Variants in NAALADL2 observed in about 807,000 individuals in gnomAD.
The protein encoded by NAALADL2 is inactive N-acetylated-alpha-linked acidic dipeptidase-like protein 2.
NAALADL2 carries 76 observed loss-of-function variants against 87.2 expected under a neutral mutation model. The ratio of observed to expected loss-of-function variants is 0.87; its 90% CI spans 0.72 to 1.05. NAALADL2 has a LOEUF of 1.05. Among genes scored for constraint, NAALADL2 ranks in the 50% least tolerant of loss-of-function variants. The pLI is 0.00. For synonymous variants in NAALADL2, 354 were observed against 331.0 expected (o/e 1.07, Z -0.75); for missense variants, 1,089 against 945.8 (o/e 1.15, Z -1.99).
chr3:174,869,245 A>G (rs1727503342), intron 1 of NAALADL2, among the ~76,000 whole-genome samples: 2 of 152,226 alleles, frequency 1.3e-5, no homozygotes, highest in African/African-American at 4.8e-5. Context: ...AGCTTAAAAC[A>G]GTAGAAATTC....
intron 9 of NAALADL2, among the ~76,000 whole-genome samples, chr3:175,472,338 T>G (rs901395342): frequency 3.3e-5 from 5 of 152,214 alleles, no homozygotes; most frequent in African/African-American, 1.2e-4. Flanking sequence ...TTTTGTCACT[T>G]CTCGCCTAAT....
chr3:175,092,744 ATTT>A (rs1720375715), intron 1 of NAALADL2, among the ~76,000 whole-genome samples: 1 of 151,780 alleles, frequency 6.6e-6, no homozygotes, highest in Non-Finnish European at 1.5e-5. Flanking sequence ...TATCTGTTTT[ATTT>A]TTATAATAGA....
intron 4 of NAALADL2, among the ~76,000 whole-genome samples, chr3:175,278,659 A>C (rs981072972): frequency 2.8e-4 from 42 of 152,128 alleles, no homozygotes; most frequent in African/African-American, 9.2e-4. Flanking sequence ...TGGCATACTT[A>C]TGTGATATGA....
chr3:175,378,510 CCTTGTT>C (rs1560460447), intron 5 of NAALADL2, among the ~76,000 whole-genome samples: 1 of 152,156 alleles, frequency 6.6e-6, no homozygotes, highest in African/African-American at 2.4e-5. Flanking sequence ...GTTCACTTGG[CCTTGTT>C]GAGTCTCACT....
chr3:174,649,061 A>G (rs1427721951), intron 2 of NAALADL2, among the ~76,000 whole-genome samples: 1 of 151,956 alleles, frequency 6.6e-6, no homozygotes, highest in East Asian at 1.9e-4. Context: ...CCCAGGTTCA[A>G]GTGATGATTT....
At chr3:174,737,906 T>G (rs1733369421) in intron 3 of NAALADL2, among the ~76,000 whole-genome samples, 1 of 152,224 alleles carries the variant, frequency 6.6e-6, no homozygotes, top group African/African-American at 2.4e-5. Context: ...GTATTCCAAT[T>G]TTTATTTATC....
chr3:175,632,636 G>C (rs1162490279), intron 11 of NAALADL2, among the ~76,000 whole-genome samples: 3 of 152,000 alleles, frequency 2.0e-5, no homozygotes, highest in Non-Finnish European at 4.4e-5. Context: ...AAGAGTCAAA[G>C]ATAATTTTAA....
chr3:175,429,446 T>G (rs1717380441), intron 5 of NAALADL2, among the ~76,000 whole-genome samples: 2 of 151,910 alleles, frequency 1.3e-5, no homozygotes, highest in African/African-American at 2.4e-5. Flanking sequence ...TTCAAGGCCT[T>G]TACATATGTA....
chr3:174,925,559 T>G (rs1247516213), intron 1 of NAALADL2, among the ~76,000 whole-genome samples: 2 of 152,208 alleles, frequency 1.3e-5, no homozygotes, highest in African/African-American at 4.8e-5. Context: ...TGCGGGCTCT[T>G]TTTTGGTTCC....
intron 2 of NAALADL2, among the ~76,000 whole-genome samples, chr3:175,179,257 C>A: frequency 6.6e-6 from 1 of 151,832 alleles, no homozygotes; most frequent in South Asian, 2.1e-4. Context: ...TTTGTAATTC[C>A]AACAGCTAAC....
intron 11 of NAALADL2, among the ~76,000 whole-genome samples, chr3:175,697,667 C>G (rs1341731074): frequency 6.7e-6 from 1 of 150,162 alleles, no homozygotes; most frequent in African/African-American, 2.5e-5. Context: ...TATGATTGTC[C>G]CAAAGTTAAG....
At chr3:175,570,236 C>A (rs895438177) in intron 9 of NAALADL2, among the ~76,000 whole-genome samples, 2 of 152,136 alleles carry the variant, frequency 1.3e-5, no homozygotes, top group African/African-American at 2.4e-5. Context: ...GGAAGGTCAG[C>A]CTTTTTGTTC....
intron 5 of NAALADL2, among the ~76,000 whole-genome samples, chr3:175,409,464 C>T (rs972994760): frequency 2.0e-5 from 3 of 151,750 alleles, no homozygotes; most frequent in Non-Finnish European, 4.4e-5. Flanking sequence ...ATATTGTTGA[C>T]TCACCTTGCC....
intron 11 of NAALADL2, among the ~76,000 whole-genome samples, chr3:175,689,380 A>G (rs1437209715): frequency 6.6e-6 from 1 of 152,164 alleles, no homozygotes; most frequent in African/African-American, 2.4e-5. Context: ...GTTAAGATAT[A>G]TGCTAGATAA....
At chr3:175,711,909 GATAAA>G (rs1346511520) in intron 11 of NAALADL2, among the ~76,000 whole-genome samples, 1 of 151,740 alleles carries the variant, frequency 6.6e-6, no homozygotes, top group East Asian at 1.9e-4. Context: ...TCTCTAGGCA[GATAAA>G]ATATAGTATT....
At chr3:175,343,946 A>C (rs1330601922) in intron 5 of NAALADL2, among the ~76,000 whole-genome samples, 1 of 152,060 alleles carries the variant, frequency 6.6e-6, no homozygotes, top group Non-Finnish European at 1.5e-5. Flanking sequence ...TCTTTAAAAA[A>C]AAAATTCTTC....
intron 1 of NAALADL2, among the ~76,000 whole-genome samples, chr3:174,909,126 C>T (rs1021464606): frequency 1.3e-5 from 2 of 152,064 alleles, no homozygotes; most frequent in Non-Finnish European, 2.9e-5. Flanking sequence ...CGGTGGCTCA[C>T]ACCTGTAATC....
At chr3:175,275,547 C>A (rs183175499) in intron 4 of NAALADL2, among the ~76,000 whole-genome samples, 11 of 152,162 alleles carry the variant, frequency 7.2e-5, no homozygotes, top group Admixed American at 7.2e-4. Flanking sequence ...TTTTTAACAA[C>A]CATTTACAGG....
Position 174,524,728 on chromosome 3 carries a change from AAAG to A in NAALADL2, c.-183-25835_-183-25833del, listed in dbSNP as rs1414129472. On this transcript the variant is annotated intron_variant, in intron 1 of 3. Transcript: ENST00000434257. The stretch of plus-strand genomic sequence containing the variant: ...ATGCCCAACAAATTAAAAAAAAAAA[AAAG>A]AAGAAAACATTTGTCGAGGTTGGGT... 3.6e-3 allele frequency among the ~76,000 whole-genome samples: 539 copies of A among 151,796 alleles called. 3 individuals are homozygous for A. The highest frequency in any genetic ancestry group is 0.012 in the African/African-American group (489 of 41,344).
Sources: allele counts gnomAD v4.1 joint callset (sites outside exome capture counted in the v4.1 genomes callset), GRCh38; gene constraint gnomAD v4.1.1; transcripts MANE v1.5; gene names NCBI Gene and HGNC (gene_info 2026-07-23, HGNC 2026-07-21).